The following PLA2G4C variants were observed in gnomAD, a reference collection of about 807,000 sequenced individuals.
PLA2G4C encodes cytosolic phospholipase A2 gamma.
A neutral mutation model predicts 73.8 loss-of-function variants in PLA2G4C; 64 were observed. That is an observed-to-expected ratio of 0.87 (90% CI 0.71 to 1.07). The LOEUF (loss-of-function observed/expected upper bound fraction) is 1.07. Ranked by LOEUF, PLA2G4C falls within the 50% of genes least tolerant of loss-of-function variation. The pLI is 0.00. For synonymous variants in PLA2G4C, 254 were observed against 252.1 expected (o/e 1.01, Z -0.07); for missense variants, 622 against 665.4 (o/e 0.93, Z 0.72).
intron 14 of PLA2G4C, among the ~76,000 whole-genome samples, chr19:48,057,480 C>CTTTTTTTTTTTTT (rs1260409498): frequency 0.012 from 336 of 28,066 alleles, 55 homozygotes; most frequent in East Asian, 0.025. Flanking sequence ...TCTTCTTCTT[C>CTTTTTTTTTTTTT]TTCTTTTTTT....
rs1491313107 is a variant in PLA2G4C, at chr19:48,101,126, A to ATATT, written c.258-1267_258-1266insAATA. 2.4e-4 allele frequency among the ~76,000 whole-genome samples: 18 copies of ATATT among 74,130 alleles called. 2 individuals are homozygous for ATATT. The highest frequency in any genetic ancestry group is 1.2e-3 in the African/African-American group (18 of 15,588). The allele number at this position is 74,130 out of a possible 152,430, so 48.6% of individuals were successfully genotyped here. ...AGTCTATATATATATATATATATAT[A>ATATT]TTTTTTTTTTTTTTTTTGAGACAGG... On this transcript the variant is annotated intron_variant, in intron 4 of 16. Transcript: ENST00000599921.
chr19:48,074,713 G>A, intron 12 of PLA2G4C, 54 bp downstream of exon 12: 2 of 1,208,248 alleles, frequency 1.7e-6, no homozygotes, highest in Non-Finnish European at 1.2e-6. Flanking sequence ...CAAGAGGGGG[G>A]AGAAGGTTGG....
chr19:48,062,320 T>G, intron 13 of PLA2G4C, 168 bp from the exon 14 acceptor site: 1 of 571,318 alleles, frequency 1.8e-6, no homozygotes, highest in Non-Finnish European at 3.0e-6. Context: ...ATTCATATGT[T>G]GAAGCCCTGG....
rs1170227188 is a variant in PLA2G4C at position 48,077,681 on chromosome 19, A to T, written c.898+90T>A. The stretch of plus-strand genomic sequence containing the variant: ...CCCAAAGGAGCACCACATGAATCAG[A>T]CACGTAAAGTTTTTAGGACAATGGC... On this transcript the variant is annotated intron_variant, in intron 11 of 16. Transcript: ENST00000599921. The T allele has an allele frequency of 5.3e-6, 5 of 943,516 alleles. No homozygotes were observed. The African/African-American group carries it at 6.8e-5, about 13-fold the overall frequency. The allele number at this position is 943,516 out of a possible 1,614,324, so 58.4% of individuals were successfully genotyped here.
chr19:48,095,712 A>C, intron 6 of PLA2G4C, 108 bp from the exon 7 acceptor site: 1 of 1,142,920 alleles, frequency 8.7e-7, no homozygotes, highest in Non-Finnish European at 1.3e-6. Flanking sequence ...ATGACAGGAG[A>C]ATGTTAGAGA....
intron 10 of PLA2G4C, among the ~76,000 whole-genome samples, chr19:48,078,079 T>C (rs1362565661): frequency 6.6e-6 from 1 of 152,048 alleles, no homozygotes; most frequent in Non-Finnish European, 1.5e-5. Context: ...GCTTAACATA[T>C]GCAAGTCAAC....
intron 14 of PLA2G4C, among the ~76,000 whole-genome samples, chr19:48,060,039 G>A (rs995021637): frequency 1.3e-5 from 2 of 151,926 alleles, no homozygotes; most frequent in African/African-American, 4.8e-5. Flanking sequence ...AAAATGCTGA[G>A]ATTACAGGCG....
At chr19:48,050,543 A>G (rs1600139614) in intron 16 of PLA2G4C, among the ~76,000 whole-genome samples, 1 of 151,934 alleles carries the variant, frequency 6.6e-6, no homozygotes, top group African/African-American at 2.4e-5. Flanking sequence ...GCTTCCCACC[A>G]TATTCAGAAT....
At position 48,098,224 on chromosome 19, in the gene PLA2G4C, G is replaced by A. The variant is rs200395665; in HGVS notation, c.483C>T (p.Pro161=). The A allele has an allele frequency of 1.3e-5, 21 of 1,613,444 alleles. No individual in the cohort carries two copies. Among genetic ancestry groups the A allele is most frequent in the Middle Eastern group, 1.7e-4 (1 of 6,058 alleles). ...GGTAGGGTAGTGTCCCTTCTTCCACGGGCTTCTTCATATTGGACAAATGAG... is the reference window on the plus strand; with the variant it reads ...GGTAGGGTAGTGTCCCTTCTTCCACAGGCTTCTTCATATTGGACAAATGAG... ...PESHLSNMKK[P]VEEGTLPYPI... Residue 161 remains proline (P), a synonymous_variant, in exon 6 of 17, where the codon CCC becomes CCT. Coordinates refer to ENST00000599921, the MANE Select transcript of PLA2G4C (RefSeq NM_003706.3).
Position 48,074,807 on chromosome 19 carries a change from C to T in PLA2G4C, c.966G>A (p.Leu322=), listed in dbSNP as rs1160543818. ...EMLENWTRTS[L]EKQEQPHEDP... is the part of the protein sequence containing the mutation. ...CCTCATGGGGCTGCTCCTGCTTTTCCAGGGAGGTCCTGGTCCAATTCTCGA... is the reference window on the plus strand; with the variant it reads ...CCTCATGGGGCTGCTCCTGCTTTTCTAGGGAGGTCCTGGTCCAATTCTCGA... Residue 322 remains leucine (L), a synonymous_variant, in exon 12 of 17, where the codon CTG becomes CTA. Transcript: ENST00000599921. 1 of 1,613,676 alleles carries T rather than the reference C, an allele frequency of 6.2e-7. No individual in the cohort carries two copies. The highest frequency in any genetic ancestry group is 2.2e-5 in the East Asian group (1 of 44,866).
chr19:48,087,836 C>T (rs554490139), intron 9 of PLA2G4C, among the ~76,000 whole-genome samples: 17 of 151,530 alleles, frequency 1.1e-4, no homozygotes, highest in African/African-American at 4.1e-4. Context: ...CAGGAGGCTG[C>T]GGCAGGAGAA....
At chr19:48,057,256 A>T (rs533905954) in intron 14 of PLA2G4C, among the ~76,000 whole-genome samples, 1 of 152,204 alleles carries the variant, frequency 6.6e-6, no homozygotes, top group East Asian at 1.9e-4. Context: ...CTTGCAGTTA[A>T]CGTAAGAATA....
At chr19:48,089,685 A>G (rs969931816) in intron 8 of PLA2G4C, among the ~76,000 whole-genome samples, 1 of 152,170 alleles carries the variant, frequency 6.6e-6, no homozygotes, top group Non-Finnish European at 1.5e-5. Context: ...AGGAAGGGGA[A>G]ATTGGGTCAC....
chr19:48,053,047 ATTC>A lies in PLA2G4C; in HGVS notation c.1527_1529del (p.Lys509del). 6.2e-7 allele frequency: 1 copy of A among 1,613,588 alleles called. No homozygotes were observed. Among genetic ancestry groups the A allele is most frequent in the East Asian group, 2.2e-5 (1 of 44,866 alleles). ...GGATCTTCTTCTTGTTTTCCCTGAC[ATTC>A]TTCTTGGCTAATGCCAAGAGTAGCA... On this transcript the variant is annotated inframe_deletion, in exon 16 of 17. Coordinates refer to ENST00000599921, the MANE Select transcript of PLA2G4C (RefSeq NM_003706.3).
At chr19:48,077,867 C>T in intron 10 of PLA2G4C, 43 bp from the exon 11 acceptor site, 2 of 1,529,064 alleles carry the variant, frequency 1.3e-6, no homozygotes, top group Non-Finnish European at 9.0e-7. Context: ...ACTGTAAAGT[C>T]ACTAGTTATA....
intron 9 of PLA2G4C, 111 bp downstream of exon 9, chr19:48,088,575 A>T: frequency 6.5e-6 from 5 of 770,562 alleles, no homozygotes. Context: ...AAAGAATTCA[A>T]ATGGGCACCA....
In PLA2G4C at chr19:48,085,192, T is replaced by G. The variant is rs1268578527; in HGVS notation, c.791-80A>C. ...TTTGATATTCAAAGCACCAGCAGAC[T>G]GGCATAAAGCACTGCAGGGATCTGC... On this transcript the variant is annotated intron_variant, in intron 9 of 16. Transcript: ENST00000599921. The G allele has an allele frequency of 6.1e-6, 6 of 976,648 alleles. No homozygotes were observed. In the African/African-American group the frequency reaches 6.4e-5, roughly 10 times the overall value. 60.5% of individuals were successfully genotyped at this position (976,648 alleles called of 1,614,324 possible). A position where few individuals can be genotyped will look rare whatever the true frequency, so the allele number is the denominator to read the frequency against.
rs761426853 is a variant in PLA2G4C at position 48,090,459 on chromosome 19, C to A, written c.710-42G>T. 2.1e-6 allele frequency: 3 copies of A among 1,440,614 alleles called. No individual in the cohort carries two copies. The African/African-American group carries it at 4.2e-5, about 20-fold the overall frequency. The allele number at this position is 1,440,614 out of a possible 1,614,324, so 89.2% of individuals were successfully genotyped here. Reference sequence around the variant, plus strand: ...AATAAAATTCAAACATTCTCCATCACGTGACTGTCATGTTTGATATTCAAA... The same window carrying A: ...AATAAAATTCAAACATTCTCCATCAAGTGACTGTCATGTTTGATATTCAAA... On this transcript the variant is annotated intron_variant, in intron 7 of 16. Transcript: ENST00000599921.
intron 14 of PLA2G4C, among the ~76,000 whole-genome samples, chr19:48,055,779 C>T (rs1967918170): frequency 6.6e-6 from 1 of 152,074 alleles, no homozygotes; most frequent in Admixed American, 6.6e-5. Context: ...GGATTACAGA[C>T]ATGCTCCACC....
Sources: allele counts gnomAD v4.1 joint callset (sites outside exome capture counted in the v4.1 genomes callset), GRCh38; gene constraint gnomAD v4.1.1; transcripts MANE v1.5; gene names NCBI Gene and HGNC (gene_info 2026-07-23, HGNC 2026-07-21).